CRTAM: variants seen among roughly 807,000 people sequenced by gnomAD.
CRTAM encodes the protein cytotoxic and regulatory T-cell molecule.
A neutral mutation model predicts 50.0 loss-of-function variants in CRTAM; 44 were observed. That is an observed-to-expected ratio of 0.88 (90% CI 0.69 to 1.13). The LOEUF is 1.13. CRTAM is among the 50% of genes most tolerant of loss of function. CRTAM has a pLI of 0.00. For synonymous variants in CRTAM, 159 were observed against 169.3 expected (o/e 0.94, Z 0.47); for missense variants, 448 against 457.5 (o/e 0.98, Z 0.19).
At chr11:122,867,648 A>G in intron 8 of CRTAM, 93 bp downstream of exon 8, 1 of 1,255,484 alleles carries the variant, frequency 8.0e-7, no homozygotes, top group Non-Finnish European at 1.1e-6. Context: ...TTTCTGTCAG[A>G]CACTACATAA....
intron 5 of CRTAM, among the ~76,000 whole-genome samples, chr11:122,856,503 G>C (rs932893398): frequency 6.6e-6 from 1 of 152,208 alleles, no homozygotes; most frequent in East Asian, 1.9e-4. Context: ...TATCCTTTAA[G>C]ATGCATGAGT....
In CRTAM at chr11:122,868,188, A is replaced by ATGTGTGTGTGTG. The variant is rs58440037; in HGVS notation, c.1051+127_1051+138dup. Reference sequence around the variant, plus strand: ...TCCAGAGAGACAGAGACAACAGAATATGTGTGTGTGTGTGTGTGTGTGTGT... The same window carrying ATGTGTGTGTGTG: ...TCCAGAGAGACAGAGACAACAGAATATGTGTGTGTGTGTGTGTGTGTGTGTGTGTGTGTGTGT... On this transcript the variant is annotated intron_variant, in intron 9 of 9. Transcript: ENST00000227348. 3.6e-3 allele frequency: 1,588 copies of ATGTGTGTGTGTG among 439,832 alleles called. 14 individuals carry two copies. The highest frequency in any genetic ancestry group is 4.1e-3 in the Non-Finnish European group (968 of 239,008). The allele number at this position is 439,832 out of a possible 1,614,324, so 27.2% of individuals were successfully genotyped here.
intron 9 of CRTAM, among the ~76,000 whole-genome samples, chr11:122,870,414 G>A (rs1365551451): frequency 1.3e-5 from 2 of 152,128 alleles, no homozygotes; most frequent in Non-Finnish European, 2.9e-5. Flanking sequence ...GTACCTGCAC[G>A]ACTCAGGGGA....
At chr11:122,847,796 A>AAACTAGAGG (rs749759509) in intron 1 of CRTAM, among the ~76,000 whole-genome samples, 8 of 152,352 alleles carry the variant, frequency 5.3e-5, no homozygotes, top group Non-Finnish European at 8.8e-5. Flanking sequence ...AATGATAATG[A>AAACTAGAGG]AACTAGAGGC....
intron 2 of CRTAM, among the ~76,000 whole-genome samples, chr11:122,850,767 C>T (rs1459266163): frequency 6.6e-6 from 1 of 152,190 alleles, no homozygotes; most frequent in African/African-American, 2.4e-5. Flanking sequence ...TCTCTTTTCA[C>T]AAACACACAT....
chr11:122,840,188 A>C (rs1861782272), intron 1 of CRTAM, among the ~76,000 whole-genome samples: 1 of 152,200 alleles, frequency 6.6e-6, no homozygotes, highest in African/African-American at 2.4e-5. Flanking sequence ...AATTACTTAA[A>C]TATTATTTAT....
intron 5 of CRTAM, among the ~76,000 whole-genome samples, chr11:122,856,927 CACG>C (rs1256244760): frequency 1.3e-5 from 2 of 152,138 alleles, no homozygotes; most frequent in Non-Finnish European, 2.9e-5. Flanking sequence ...ATCCCCACCC[CACG>C]CCTCCACCTC....
At chr11:122,863,547 C>A (rs1862127363) in intron 6 of CRTAM, among the ~76,000 whole-genome samples, 3 of 152,038 alleles carry the variant, frequency 2.0e-5, no homozygotes, top group Admixed American at 2.0e-4. Context: ...AGTATCAGAT[C>A]ATATTTTTAA....
intron 3 of CRTAM, among the ~76,000 whole-genome samples, chr11:122,853,444 A>C (rs992585318): frequency 1.3e-5 from 2 of 152,152 alleles, no homozygotes; most frequent in African/African-American, 4.8e-5. Context: ...CACACTGAGT[A>C]ATACACATTC....
chr11:122,859,740 C>T (rs1862049469), intron 5 of CRTAM, among the ~76,000 whole-genome samples: 1 of 152,174 alleles, frequency 6.6e-6, no homozygotes, highest in Admixed American at 6.5e-5. Context: ...GCTATGTGGA[C>T]TCTGGGCCCA....
At chr11:122,848,305 A>G (rs1302012111) in intron 1 of CRTAM, among the ~76,000 whole-genome samples, 2 of 152,222 alleles carry the variant, frequency 1.3e-5, no homozygotes, top group African/African-American at 4.8e-5. Context: ...CCCTTAGAAG[A>G]AATTCTATTG....
At chr11:122,854,125 T>C (rs748624705) in intron 4 of CRTAM, 39 bp downstream of exon 4, 2 of 1,592,688 alleles carry the variant, frequency 1.3e-6, no homozygotes, top group Non-Finnish European at 1.7e-6. Context: ...TCCTTCCTAC[T>C]CAAATTTCCA....
intron 5 of CRTAM, chr11:122,862,233 A>G: frequency 1.8e-6 from 1 of 546,852 alleles, no homozygotes; most frequent in Non-Finnish European, 3.3e-6. Flanking sequence ...CTGCCACCAC[A>G]CAGAGGTCCA....
intron 7 of CRTAM, among the ~76,000 whole-genome samples, chr11:122,865,486 G>A (rs867693141): frequency 7.9e-5 from 12 of 151,530 alleles, no homozygotes; most frequent in Admixed American, 2.6e-4. Flanking sequence ...GCAGGGGCAC[G>A]ATCATGTTCA....
chr11:122,867,959 T>G, intron 8 of CRTAM, 54 bp from the exon 9 acceptor site: 1 of 1,077,878 alleles, frequency 9.3e-7, no homozygotes. Flanking sequence ...CAAATATACA[T>G]TTCTACATGT....
chr11:122,862,912 A>G (rs1384276212), intron 6 of CRTAM, among the ~76,000 whole-genome samples: 2 of 152,246 alleles, frequency 1.3e-5, no homozygotes, highest in African/African-American at 2.4e-5. Flanking sequence ...CATCTGAAGC[A>G]CACCAAACAC....
chr11:122,855,001 T>C (rs767657947), intron 4 of CRTAM, among the ~76,000 whole-genome samples: 9 of 152,184 alleles, frequency 5.9e-5, no homozygotes, highest in Non-Finnish European at 8.8e-5. Flanking sequence ...CCCAGTGCAG[T>C]GGCACGATCT....
intron 2 of CRTAM, 77 bp downstream of exon 2, chr11:122,850,291 C>A: frequency 7.0e-7 from 1 of 1,432,854 alleles, no homozygotes; most frequent in Non-Finnish European, 9.4e-7. Context: ...TTTGGTGGGA[C>A]AGAAAGCCTG....
chr11:122,842,878 T>C (rs1259082608), intron 1 of CRTAM, among the ~76,000 whole-genome samples: 1 of 152,142 alleles, frequency 6.6e-6, no homozygotes, highest in Non-Finnish European at 1.5e-5. Flanking sequence ...GGGTGGAGCA[T>C]GGGGACAGTA....
Sources: allele counts gnomAD v4.1 joint callset (sites outside exome capture counted in the v4.1 genomes callset), GRCh38; gene constraint gnomAD v4.1.1; transcripts MANE v1.5; gene names NCBI Gene and HGNC (gene_info 2026-07-23, HGNC 2026-07-21).